SGCZ: variants seen among roughly 807,000 people sequenced by gnomAD.
SGCZ encodes the protein sarcoglycan zeta.
In SGCZ, 40 loss-of-function variants were observed where a neutral mutation model predicts 41.3. That is an observed-to-expected ratio of 0.97 (90% CI 0.75 to 1.26). The LOEUF (loss-of-function observed/expected upper bound fraction) is 1.26, where lower values mean the gene tolerates loss of function less well. Ranked by LOEUF, SGCZ falls within the 50% of genes most tolerant of loss-of-function variation. SGCZ has a pLI of 0.00. For synonymous variants in SGCZ, 206 were observed against 137.5 expected, an observed-to-expected ratio of 1.50 and a Z score of -3.49; for missense variants, 552 against 369.8, an observed-to-expected ratio of 1.49 and a Z score of -4.04.
At chr8:15,067,984 T>C (rs1250389590) in intron 1 of SGCZ, among the ~76,000 whole-genome samples, 1 of 152,194 alleles carries the variant, frequency 6.6e-6, no homozygotes, top group Non-Finnish European at 1.5e-5. Flanking sequence ...AATTATGTTC[T>C]CGGCACAGAG....
At chr8:14,964,161 G>C (rs542532265) in intron 1 of SGCZ, among the ~76,000 whole-genome samples, 164 of 152,206 alleles carry the variant, frequency 1.1e-3, no homozygotes, top group Non-Finnish European at 1.8e-3. Flanking sequence ...AGTGATTTTT[G>C]TCACTACTGT....
At chr8:14,530,839 A>G (rs1268216962) in intron 2 of SGCZ, among the ~76,000 whole-genome samples, 3 of 152,126 alleles carry the variant, frequency 2.0e-5, no homozygotes, top group Non-Finnish European at 2.9e-5. Flanking sequence ...ATGATTTTTA[A>G]TAGTTCTTGT....
chr8:14,204,969 G>T lies in SGCZ; in HGVS notation c.424+32623C>A, dbSNP rs144584005. On this transcript the variant is annotated intron_variant, in intron 4 of 7. Coordinates refer to ENST00000382080, the MANE Select transcript of SGCZ (RefSeq NM_139167.4). Reference sequence around the variant, plus strand: ...AGAGATCCCATAATGGGACTTCTCAGCCTCCATATTAATAGGAACCTATAT... The same window carrying T: ...AGAGATCCCATAATGGGACTTCTCATCCTCCATATTAATAGGAACCTATAT... Among the ~76,000 whole-genome samples the T allele has an allele frequency of 1.5e-4, 23 of 152,144 alleles. No homozygotes were observed. In the East Asian group the frequency reaches 3.9e-3, roughly 26 times the overall value.
At chr8:14,389,137 G>A (rs1299877511) in intron 2 of SGCZ, among the ~76,000 whole-genome samples, 1 of 151,896 alleles carries the variant, frequency 6.6e-6, no homozygotes, top group Non-Finnish European at 1.5e-5. Context: ...ATTAAATACT[G>A]TTGAGGTGAG....
At chr8:14,636,038 T>C (rs1478553397) in intron 1 of SGCZ, among the ~76,000 whole-genome samples, 3 of 151,790 alleles carry the variant, frequency 2.0e-5, no homozygotes, top group South Asian at 4.1e-4. Context: ...TTAGGCCTAA[T>C]TATTTTGACG....
chr8:14,630,681 AC>A (rs1253071406), intron 1 of SGCZ, among the ~76,000 whole-genome samples: 1 of 137,922 alleles, frequency 7.3e-6, no homozygotes, highest in Admixed American at 7.2e-5. Context: ...GCCATGGAAT[AC>A]TATGCAGCCA....
intron 1 of SGCZ, among the ~76,000 whole-genome samples, chr8:14,667,688 C>T (rs1229213361): frequency 1.3e-5 from 2 of 152,076 alleles, no homozygotes; most frequent in African/African-American, 4.8e-5. Flanking sequence ...TTTTGAATTA[C>T]CATCACTATT....
At chr8:14,990,725 G>C (rs1489085070) in intron 1 of SGCZ, among the ~76,000 whole-genome samples, 1 of 152,038 alleles carries the variant, frequency 6.6e-6, no homozygotes, top group African/African-American at 2.4e-5. Context: ...CGTAATAAAG[G>C]CAAGGTACTT....
chr8:14,282,945 G>C (rs188042571), intron 3 of SGCZ, among the ~76,000 whole-genome samples: 6 of 138,616 alleles, frequency 4.3e-5, no homozygotes, highest in African/African-American at 1.1e-4. Context: ...CGCCTCCAGG[G>C]TTCACGCCAT....
intron 2 of SGCZ, among the ~76,000 whole-genome samples, chr8:14,534,153 T>C (rs1803222844): frequency 6.6e-6 from 1 of 151,904 alleles, no homozygotes; most frequent in Non-Finnish European, 1.5e-5. Flanking sequence ...AGCTGAAGTG[T>C]TGAGGCCAGA....
chr8:15,107,609 T>C (rs1806880400), intron 1 of SGCZ, among the ~76,000 whole-genome samples: 1 of 152,228 alleles, frequency 6.6e-6, no homozygotes, highest in Non-Finnish European at 1.5e-5. Flanking sequence ...ACCATGTTTC[T>C]TGAACTTCCC....
intron 3 of SGCZ, among the ~76,000 whole-genome samples, chr8:14,303,600 C>T (rs972161189): frequency 1.3e-5 from 2 of 152,104 alleles, no homozygotes; most frequent in Non-Finnish European, 2.9e-5. Flanking sequence ...AATATTACAA[C>T]CGAATGACTC....
At chr8:14,737,417 G>A (rs550241218) in intron 1 of SGCZ, among the ~76,000 whole-genome samples, 1 of 151,950 alleles carries the variant, frequency 6.6e-6, no homozygotes, top group African/African-American at 2.4e-5. Flanking sequence ...CTTTTTTATT[G>A]TCACTGAGAA....
intron 5 of SGCZ, among the ~76,000 whole-genome samples, chr8:14,137,710 T>C (rs1471016230): frequency 6.6e-6 from 1 of 152,188 alleles, no homozygotes; most frequent in East Asian, 1.9e-4. Context: ...CTGATTGGTG[T>C]ACCTAAAAGT....
chr8:14,283,616 A>T (rs1404148887), intron 3 of SGCZ, among the ~76,000 whole-genome samples: 1 of 152,230 alleles, frequency 6.6e-6, no homozygotes, highest in African/African-American at 2.4e-5. Flanking sequence ...AGACAACAAT[A>T]TTCTCTTACA....
At chr8:15,063,601 G>T (rs1805019588) in intron 1 of SGCZ, among the ~76,000 whole-genome samples, 1 of 151,736 alleles carries the variant, frequency 6.6e-6, no homozygotes, top group Non-Finnish European at 1.5e-5. Context: ...TTCAACTTTT[G>T]CCACAGCTAT....
rs565844445 is a variant in SGCZ at position 14,901,257 on chromosome 8, A to G, written c.39+336328T>C. On this transcript the variant is annotated intron_variant, in intron 1 of 7. Coordinates refer to ENST00000382080, the MANE Select transcript of SGCZ (RefSeq NM_139167.4). The stretch of plus-strand genomic sequence containing the variant: ...ACTTAAGAAATAATTGCTCCATAAA[A>G]TCCTGTGATGACTCACTGGTAACCA... Among the ~76,000 whole-genome samples, 7 of 152,208 alleles carry G rather than the reference A, an allele frequency of 4.6e-5. 1 individual carries two copies. The highest frequency in any genetic ancestry group is 2.0e-4 in the Admixed American group (3 of 15,262).
intron 5 of SGCZ, among the ~76,000 whole-genome samples, chr8:14,145,752 T>C (rs1803502873): frequency 6.6e-6 from 1 of 152,008 alleles, no homozygotes; most frequent in African/African-American, 2.4e-5. Context: ...ATCAAAGAGA[T>C]TGAAATAATT....
chr8:14,584,838 G>C (rs1805008290), intron 1 of SGCZ, among the ~76,000 whole-genome samples: 1 of 152,000 alleles, frequency 6.6e-6, no homozygotes, highest in Non-Finnish European at 1.5e-5. Context: ...TGATCACAAT[G>C]ACAGAGATAA....
Sources: allele counts gnomAD v4.1 joint callset (sites outside exome capture counted in the v4.1 genomes callset), GRCh38; gene constraint gnomAD v4.1.1; transcripts MANE v1.5; gene names NCBI Gene and HGNC (gene_info 2026-07-23, HGNC 2026-07-21).